TYR: variants seen among roughly 807,000 people sequenced by gnomAD.
TYR encodes the protein LB24-AB.
Under a neutral mutation model 51.5 loss-of-function variants are expected in TYR, and 58 were observed. That is an observed-to-expected ratio of 1.13 (90% CI 0.91 to 1.40). The LOEUF (loss-of-function observed/expected upper bound fraction) is 1.40, where lower values mean the gene tolerates loss of function less well. Ranked by LOEUF, TYR falls within the 40% of genes most tolerant of loss-of-function variation. TYR has a pLI of 0.00. For missense variants in TYR, 732 were observed against 647.4 expected, an observed-to-expected ratio of 1.13 and a Z score of -1.42; for synonymous variants, 263 against 235.2, an observed-to-expected ratio of 1.12 and a Z score of -1.08.
chr11:89,178,226 C>T lies in TYR; in HGVS notation c.273C>T (p.Cys91=), dbSNP rs2135242041. The T allele has an allele frequency of 6.2e-7, 1 of 1,614,172 alleles. No individual in the cohort carries two copies. The highest frequency in any genetic ancestry group is 8.5e-7 in the Non-Finnish European group (1 of 1,180,024). Reference sequence around the variant, plus strand: ...TCTTTTATAATAGGACCTGCCAGTGCTCTGGCAACTTCATGGGATTCAACT... The same window carrying T: ...TCTTTTATAATAGGACCTGCCAGTGTTCTGGCAACTTCATGGGATTCAACT... ...PSVFYNRTCQ[C]SGNFMGFNCG... is the part of the protein sequence containing the mutation. The change falls in exon 1 of 5, where the codon TGC becomes TGT. Residue 91 remains cysteine (C), a synonymous_variant. Transcript: ENST00000263321.
At chr11:89,278,351 A>C (rs1159238600) in intron 3 of TYR, among the ~76,000 whole-genome samples, 3 of 151,452 alleles carry the variant, frequency 2.0e-5, no homozygotes. Flanking sequence ...CCACCACTAG[A>C]CTCCAAATAC....
chr11:89,260,434 G>A (rs1474478711), intron 3 of TYR, among the ~76,000 whole-genome samples: 2 of 152,092 alleles, frequency 1.3e-5, no homozygotes, highest in African/African-American at 4.8e-5. Context: ...AAAATATTGT[G>A]ACCCCAGATT....
At chr11:89,221,774 C>A (rs539462428) in intron 2 of TYR, among the ~76,000 whole-genome samples, 1 of 152,298 alleles carries the variant, frequency 6.6e-6, no homozygotes, top group East Asian at 1.9e-4. Flanking sequence ...TTCCTCTTCT[C>A]CAATTCCATC....
chr11:89,284,853 G>T lies in TYR; in HGVS notation c.1265G>T (p.Arg422Leu), dbSNP rs61754393. 1 of 1,611,886 alleles carries T rather than the reference G, an allele frequency of 6.2e-7. No individual in the cohort carries two copies. The highest frequency in any genetic ancestry group is 1.1e-5 in the South Asian group (1 of 91,032). Residue 422 changes from arginine to leucine, a missense_variant, in exon 4 of 5, where the codon CGG becomes CTG. Physicochemically the swap from Arg to Leu is moderately radical, Grantham distance 102. Transcript: ENST00000263321. ...PEANAPIGHNRESYMVPFIPL... is the reference protein window; with the variant it reads ...PEANAPIGHNLESYMVPFIPL... ...GCCAATGCACCCATTGGACATAACCGGGAATCCTACATGGTTCCTTTTATA... is the reference window on the plus strand; with the variant it reads ...GCCAATGCACCCATTGGACATAACCTGGAATCCTACATGGTTCCTTTTATA...
chr11:89,230,256 C>T (rs1447776946), intron 3 of TYR, among the ~76,000 whole-genome samples: 1 of 152,028 alleles, frequency 6.6e-6, no homozygotes, highest in African/African-American at 2.4e-5. Flanking sequence ...TAACTTTTGA[C>T]AAAGATGCCA....
intron 3 of TYR, among the ~76,000 whole-genome samples, chr11:89,242,173 C>T (rs544593227): frequency 6.6e-6 from 1 of 151,916 alleles, no homozygotes; most frequent in Non-Finnish European, 1.5e-5. Flanking sequence ...GCTTCTTTGG[C>T]TCTTTATTAA....
At chr11:89,256,561 A>C (rs1944394349) in intron 3 of TYR, among the ~76,000 whole-genome samples, 1 of 151,876 alleles carries the variant, frequency 6.6e-6, no homozygotes, top group Admixed American at 6.6e-5. Context: ...TTGTTTTAAT[A>C]ATGTCAGTTG....
At chr11:89,192,920 C>T (rs1309870088) in intron 2 of TYR, among the ~76,000 whole-genome samples, 1 of 151,978 alleles carries the variant, frequency 6.6e-6, no homozygotes, top group Non-Finnish European at 1.5e-5. Flanking sequence ...GATAATCTGC[C>T]CCCAGCTTTA....
intron 2 of TYR, among the ~76,000 whole-genome samples, chr11:89,214,684 G>A (rs1377229629): frequency 6.6e-6 from 1 of 152,086 alleles, no homozygotes; most frequent in African/African-American, 2.4e-5. Context: ...TATACACCAT[G>A]GAATACTATG....
intron 3 of TYR, among the ~76,000 whole-genome samples, chr11:89,237,327 A>G (rs1490982682): frequency 3.3e-5 from 5 of 152,086 alleles, no homozygotes; most frequent in Non-Finnish European, 7.4e-5. Flanking sequence ...GCAGTTTCAC[A>G]GTTTCAGGTC....
intron 2 of TYR, among the ~76,000 whole-genome samples, chr11:89,203,832 A>C (rs1224005260): frequency 6.6e-6 from 1 of 152,236 alleles, no homozygotes; most frequent in Non-Finnish European, 1.5e-5. Flanking sequence ...AGAAAGGTGC[A>C]GAAAAGTTTT....
At chr11:89,223,324 G>C (rs1943936933) in intron 2 of TYR, among the ~76,000 whole-genome samples, 1 of 152,084 alleles carries the variant, frequency 6.6e-6, no homozygotes, top group Non-Finnish European at 1.5e-5. Context: ...TTTCCTCTTT[G>C]ACTTATTCTT....
At chr11:89,262,060 T>C (rs1301587028) in intron 3 of TYR, among the ~76,000 whole-genome samples, 1 of 151,876 alleles carries the variant, frequency 6.6e-6, no homozygotes, top group Non-Finnish European at 1.5e-5. Context: ...ATGACAGAGA[T>C]TTTTTATTTT....
chr11:89,218,865 T>C (rs2135275237), intron 2 of TYR, among the ~76,000 whole-genome samples: 1 of 152,258 alleles, frequency 6.6e-6, no homozygotes, highest in East Asian at 1.9e-4. Flanking sequence ...GTGTTCCAAA[T>C]AGAAAAGCCA....
intron 2 of TYR, among the ~76,000 whole-genome samples, chr11:89,208,051 G>A (rs969777435): frequency 3.9e-5 from 6 of 152,252 alleles, no homozygotes; most frequent in Admixed American, 2.0e-4. Context: ...GGGGGATCAC[G>A]AAGTCAGGAG....
chr11:89,180,619 C>A (rs1432210024), intron 1 of TYR, among the ~76,000 whole-genome samples: 1 of 150,556 alleles, frequency 6.6e-6, no homozygotes, highest in Non-Finnish European at 1.5e-5. Context: ...TCAACTTCAA[C>A]CTTGTTCTAT....
intron 2 of TYR, among the ~76,000 whole-genome samples, chr11:89,213,065 C>G (rs1045455546): frequency 4.8e-4 from 73 of 152,176 alleles, no homozygotes; most frequent in Middle Eastern, 3.4e-3. Context: ...CTCCTATTCA[C>G]ATAGTATTGG....
intron 2 of TYR, among the ~76,000 whole-genome samples, chr11:89,225,904 A>G (rs201793477): frequency 1.3e-5 from 2 of 151,978 alleles, no homozygotes; most frequent in Non-Finnish European, 2.9e-5. Flanking sequence ...TGATATTCCA[A>G]TTACTCTGAT....
At chr11:89,260,724 G>A (rs1183295352) in intron 3 of TYR, among the ~76,000 whole-genome samples, 1 of 152,080 alleles carries the variant, frequency 6.6e-6, no homozygotes, top group African/African-American at 2.4e-5. Context: ...AAATATATAA[G>A]GCTATAAATC....
Sources: gnomAD v4.1 joint callset for allele counts (sites outside exome capture counted in the v4.1 genomes callset) on GRCh38, gnomAD v4.1.1 for gene constraint, MANE v1.5 for transcripts, NCBI Gene and HGNC (gene_info 2026-07-23, HGNC 2026-07-21) for gene names.